Variants in ATP5PD observed in about 807,000 individuals in gnomAD.
ATP5PD encodes the protein ATP synthase peripheral stalk subunit d.
ATP5PD carries 13 observed loss-of-function variants against 22.6 expected under a neutral mutation model. The ratio of observed to expected loss-of-function variants is 0.58; its 90% CI spans 0.37 to 0.91. The LOEUF is 0.91. Ranked by LOEUF, ATP5PD falls within the 40% of genes least tolerant of loss-of-function variation. The pLI, the probability that ATP5PD is intolerant of heterozygous loss-of-function variation, is 0.00. For missense variants in ATP5PD, 165 were observed against 188.0 expected (o/e 0.88, Z 0.72); for synonymous variants, 51 against 65.0 (o/e 0.79, Z 1.03).
rs999531111 is a variant in ATP5PD, at chr17:75,046,143, C to T, written c.-10+782G>A. Among the ~76,000 whole-genome samples, 9 of 152,098 alleles carry T rather than the reference C, an allele frequency of 5.9e-5. No individual in the cohort carries two copies. In the South Asian group the frequency reaches 6.2e-4, roughly 11 times the overall value. On this transcript the variant is annotated intron_variant, in intron 1 of 5. Transcript: ENST00000301587. ...TGTCGCCTGGGCTGGAGTGTAGTGG[C>T]GTGGTCTCGGCTCACTGCAACCTCC...
At chr17:75,043,092 C>T (rs557203025) in intron 1 of ATP5PD, among the ~76,000 whole-genome samples, 4 of 150,858 alleles carry the variant, frequency 2.7e-5, no homozygotes, top group Admixed American at 2.0e-4. Flanking sequence ...CGTGGTGGCC[C>T]GCGCCATAAT....
Position 75,038,911 on chromosome 17 carries a change from A to G in ATP5PD, c.*21T>C. ...CCAGAATGTGTAATACAAGGGCCAG[A>G]GCTTCCTCCTGGACTCAATTTTATA... On this transcript the variant is annotated 3_prime_UTR_variant, in exon 6 of 6. Transcript: ENST00000301587. 1 of 1,608,198 alleles carries G rather than the reference A, an allele frequency of 6.2e-7. No individual in the cohort carries two copies. Among genetic ancestry groups the G allele is most frequent in the Non-Finnish European group, 8.5e-7 (1 of 1,177,866 alleles).
rs545357023 is a variant in ATP5PD at position 75,039,380 on chromosome 17, G to A, written c.292-109C>T. 30 of 979,078 alleles carry A rather than the reference G, an allele frequency of 3.1e-5. No individual in the cohort carries two copies. The South Asian group carries it at 4.0e-4, about 13-fold the overall frequency. 60.6% of individuals were successfully genotyped at this position (979,078 alleles called of 1,614,324 possible). On this transcript the variant is annotated intron_variant, in intron 4 of 5. Transcript: ENST00000301587. Reference sequence around the variant, plus strand: ...ACTCCTGCTGTCCTATTGCTCTATGGAGAAACTGTGGTTACCCTGAGTGGG... The same window carrying A: ...ACTCCTGCTGTCCTATTGCTCTATGAAGAAACTGTGGTTACCCTGAGTGGG...
At chr17:75,041,133 T>G (rs1319682793) in intron 3 of ATP5PD, 1 of 150,728 alleles carries the variant, frequency 6.6e-6, no homozygotes, top group Non-Finnish European at 1.5e-5. Context: ...CCAAGGAGGG[T>G]GGATCACCTG....
chr17:75,043,321 A>G (rs2073179346), intron 1 of ATP5PD, among the ~76,000 whole-genome samples: 1 of 152,106 alleles, frequency 6.6e-6, no homozygotes. Flanking sequence ...TTAAAAGCCC[A>G]GCTCTCTTGG....
At chr17:75,043,172 G>A (rs552552250) in intron 1 of ATP5PD, among the ~76,000 whole-genome samples, 8 of 152,208 alleles carry the variant, frequency 5.3e-5, no homozygotes. Context: ...AATGAGCTGA[G>A]ATGGCATCAG....
intron 3 of ATP5PD, 33 bp downstream of exon 3, chr17:75,042,148 C>T (rs369589395): frequency 5.1e-6 from 8 of 1,578,604 alleles, no homozygotes; most frequent in African/African-American, 2.7e-5. Context: ...AGGCATGTTA[C>T]AAGCTCAGTG....
chr17:75,040,869 G>C (rs1212562230), intron 3 of ATP5PD: 1 of 147,222 alleles, frequency 6.8e-6, no homozygotes, highest in African/African-American at 2.5e-5. Flanking sequence ...CTGGGCGACA[G>C]AGCAAGACTC....
chr17:75,045,083 A>G (rs2073199793), intron 1 of ATP5PD, among the ~76,000 whole-genome samples: 1 of 152,190 alleles, frequency 6.6e-6, no homozygotes, highest in Admixed American at 6.5e-5. Context: ...TACAAAAGAG[A>G]GAAATTTTAA....
Position 75,040,322 on chromosome 17 carries a change from G to A in ATP5PD, c.220-159C>T, listed in dbSNP as rs1373046724. 1.8e-5 allele frequency: 14 copies of A among 763,838 alleles called. No homozygotes were observed. The East Asian group carries it at 2.0e-4, about 11-fold the overall frequency. 47.3% of individuals were successfully genotyped at this position (763,838 alleles called of 1,614,324 possible). ...CTGTGTCCCAAGCGGAAACGAATAC[G>A]CATCTCAATACTGGAGTAGAAAGAA... On this transcript the variant is annotated intron_variant, in intron 3 of 5. Coordinates refer to ENST00000301587, the MANE Select transcript of ATP5PD (RefSeq NM_006356.3).
intron 1 of ATP5PD, among the ~76,000 whole-genome samples, chr17:75,046,151 C>T (rs542844571): frequency 6.6e-6 from 1 of 152,222 alleles, no homozygotes; most frequent in Non-Finnish European, 1.5e-5. Context: ...GGCGTGGTCT[C>T]GGCTCACTGC....
At chr17:75,045,498 G>A (rs2144918359) in intron 1 of ATP5PD, among the ~76,000 whole-genome samples, 1 of 152,298 alleles carries the variant, frequency 6.6e-6, no homozygotes, top group Middle Eastern at 3.4e-3. Context: ...AGACAGGTAC[G>A]CCCCAGGGGG....
intron 3 of ATP5PD, 124 bp downstream of exon 3, chr17:75,042,057 T>C (rs2073166839): frequency 3.8e-6 from 3 of 794,252 alleles, no homozygotes; most frequent in South Asian, 1.8e-5. Flanking sequence ...CCTTTGGCCA[T>C]ACGCATCCTT....
At chr17:75,044,254 G>A (rs1286621268) in intron 1 of ATP5PD, among the ~76,000 whole-genome samples, 1 of 96,446 alleles carries the variant, frequency 1.0e-5, no homozygotes, top group Non-Finnish European at 1.8e-5. Flanking sequence ...GCCGGACTGC[G>A]GACTGCAGTG....
intron 3 of ATP5PD, chr17:75,041,456 A>G (rs918152163): frequency 5.9e-5 from 9 of 151,550 alleles, no homozygotes; most frequent in African/African-American, 2.2e-4. Flanking sequence ...CCAAAAAAAA[A>G]AAAAAAACAA....
At chr17:75,040,813 G>T (rs2073151853) in intron 3 of ATP5PD, 2 of 151,872 alleles carry the variant, frequency 1.3e-5, no homozygotes, top group Admixed American at 1.3e-4. Flanking sequence ...TTGAACCTGG[G>T]AGGCGGAGAT....
chr17:75,043,566 T>C (rs113076798), intron 1 of ATP5PD, among the ~76,000 whole-genome samples: 2,171 of 142,960 alleles, frequency 0.015, 34 homozygotes, highest in Non-Finnish European at 0.024. Context: ...TGAGCTGAGA[T>C]AGCGCCATTG....
intron 1 of ATP5PD, among the ~76,000 whole-genome samples, chr17:75,044,794 C>G (rs2073196496): frequency 6.6e-6 from 1 of 152,190 alleles, no homozygotes; most frequent in Non-Finnish European, 1.5e-5. Context: ...TCAAAAATCT[C>G]TATAAGCTTG....
intron 1 of ATP5PD, among the ~76,000 whole-genome samples, chr17:75,046,227 G>C (rs1265556512): frequency 6.6e-6 from 1 of 151,944 alleles, no homozygotes; most frequent in Non-Finnish European, 1.5e-5. Flanking sequence ...GGATTATAGG[G>C]GCCTTCCACC....
Sources: allele counts gnomAD v4.1 joint callset (sites outside exome capture counted in the v4.1 genomes callset), GRCh38; gene constraint gnomAD v4.1.1; transcripts MANE v1.5; gene names NCBI Gene and HGNC (gene_info 2026-07-23, HGNC 2026-07-21).